Variants in HDAC4 observed in about 807,000 individuals in gnomAD.
The protein encoded by HDAC4 is histone deacetylase A.
HDAC4 carries 16 observed loss-of-function variants against 135.1 expected under a neutral mutation model. The observed-to-expected ratio is 0.12, with a 90% CI of 0.08 to 0.18. The LOEUF is 0.18. HDAC4 is among the 10% of genes least tolerant of loss of function. The pLI, the probability that HDAC4 is intolerant of heterozygous loss-of-function variation, is 1.00. For synonymous variants in HDAC4, 685 were observed against 653.4 expected, an observed-to-expected ratio of 1.05 and a Z score of -0.74; for missense variants, 1,143 against 1,511.8, an observed-to-expected ratio of 0.76 and a Z score of 4.05.
chr2:239,361,270 A>C (rs1392560065), intron 1 of HDAC4, among the ~76,000 whole-genome samples: 1 of 152,220 alleles, frequency 6.6e-6, no homozygotes, highest in East Asian at 1.9e-4. Flanking sequence ...TTCCCCTCAG[A>C]AACTACCTCA....
intron 2 of HDAC4, among the ~76,000 whole-genome samples, chr2:239,332,541 A>T (rs1691655896): frequency 6.6e-6 from 1 of 152,078 alleles, no homozygotes; most frequent in Non-Finnish European, 1.5e-5. Flanking sequence ...AATTATAATT[A>T]AAATGACATT....
chr2:239,221,609 GACACACACACACACACACACACAC>G (rs3838519), intron 3 of HDAC4, among the ~76,000 whole-genome samples: 6 of 148,990 alleles, frequency 4.0e-5, no homozygotes, highest in Non-Finnish European at 7.4e-5. Flanking sequence ...CTGAGAGTGG[GACACACACACACACACACACACAC>G]ACACACACAC....
intron 22 of HDAC4, among the ~76,000 whole-genome samples, chr2:239,074,689 A>G (rs1205948204): frequency 2.0e-5 from 3 of 152,210 alleles, no homozygotes; most frequent in East Asian, 3.9e-4. Flanking sequence ...GAGGTGCATG[A>G]GTGCACCTTC....
chr2:239,116,651 A>C (rs1377174705), intron 12 of HDAC4, among the ~76,000 whole-genome samples: 2 of 151,802 alleles, frequency 1.3e-5, no homozygotes, highest in Non-Finnish European at 2.9e-5. Flanking sequence ...GGACCTGGTC[A>C]CTCCCCTGCT....
At chr2:239,250,865 C>G (rs1003983307) in intron 2 of HDAC4, among the ~76,000 whole-genome samples, 1 of 152,214 alleles carries the variant, frequency 6.6e-6, no homozygotes, top group Non-Finnish European at 1.5e-5. Context: ...AGAGATGGGA[C>G]TCGGGGGCGG....
chr2:239,387,527 C>T (rs1467617025), intron 1 of HDAC4, among the ~76,000 whole-genome samples: 11 of 152,186 alleles, frequency 7.2e-5, no homozygotes, highest in Admixed American at 2.0e-4. Context: ...AGAGACAGGA[C>T]GAGGCACAGC....
intron 2 of HDAC4, among the ~76,000 whole-genome samples, chr2:239,319,071 G>T (rs1294193285): frequency 6.6e-6 from 1 of 152,188 alleles, no homozygotes; most frequent in Non-Finnish European, 1.5e-5. Context: ...GAAGGAAAAG[G>T]AGGCAACTCT....
chr2:239,266,364 C>G (rs1461106232), intron 2 of HDAC4, among the ~76,000 whole-genome samples: 1 of 152,204 alleles, frequency 6.6e-6, no homozygotes, highest in Non-Finnish European at 1.5e-5. Flanking sequence ...ACTGGCTTGG[C>G]CTGCCCAGCC....
At chr2:239,087,383 C>G (rs1036813176) in intron 19 of HDAC4, among the ~76,000 whole-genome samples, 176 bp downstream of exon 19, 1 of 152,252 alleles carries the variant, frequency 6.6e-6, no homozygotes, top group African/African-American at 2.4e-5. Context: ...TGCTCGCAGA[C>G]TTTGGCATCT....
chr2:239,194,425 G>A (rs929670252), intron 3 of HDAC4, among the ~76,000 whole-genome samples: 7 of 152,180 alleles, frequency 4.6e-5, no homozygotes, highest in Non-Finnish European at 1.0e-4. Context: ...TGAGCGCCAC[G>A]CTGCTGCCGG....
At chr2:239,113,590 T>C (rs548767993) in intron 13 of HDAC4, among the ~76,000 whole-genome samples, 1 of 152,256 alleles carries the variant, frequency 6.6e-6, no homozygotes, top group Non-Finnish European at 1.5e-5. Context: ...GCTTGGAATA[T>C]AACAAGCCTC....
At chr2:239,316,609 C>T (rs748794319) in intron 2 of HDAC4, among the ~76,000 whole-genome samples, 1 of 152,074 alleles carries the variant, frequency 6.6e-6, no homozygotes, top group Non-Finnish European at 1.5e-5. Context: ...GGTAAGAGAG[C>T]GGCTGGATGA....
rs1692265971 is a variant in HDAC4, at chr2:239,341,048, A to G, written c.22+11630T>C. 2.0e-5 allele frequency among the ~76,000 whole-genome samples: 3 copies of G among 152,362 alleles called. No individual in the cohort carries two copies. In the South Asian group the frequency reaches 6.2e-4, roughly 32 times the overall value. The stretch of plus-strand genomic sequence containing the variant: ...ACACGTACAATGCATCGGGCACTAC[A>G]AAAACTAAAACTCCTCATCTCTCTG... On this transcript the variant is annotated intron_variant, in intron 2 of 26. Coordinates refer to ENST00000543185, the MANE Select transcript of HDAC4 (RefSeq NM_001378414.1).
intron 2 of HDAC4, among the ~76,000 whole-genome samples, chr2:239,324,864 G>A (rs1559364695): frequency 6.6e-6 from 1 of 152,212 alleles, no homozygotes; most frequent in Non-Finnish European, 1.5e-5. Context: ...CCTGGCTTAG[G>A]AAGAGCAGAG....
intron 3 of HDAC4, among the ~76,000 whole-genome samples, chr2:239,227,418 G>A (rs946559243): frequency 1.3e-5 from 2 of 152,150 alleles, no homozygotes; most frequent in African/African-American, 4.8e-5. Flanking sequence ...GCAGCCTGCT[G>A]GACACCATGC....
chr2:239,098,334 C>T (rs3828199), intron 16 of HDAC4, among the ~76,000 whole-genome samples: 44,456 of 152,024 alleles, frequency 0.29, 6,681 homozygotes, highest in Non-Finnish European at 0.33. Context: ...CTGTTTGCCG[C>T]GGGCTGGCAG....
rs1692986751 is a variant in HDAC4, at chr2:239,349,762, G to A, written c.22+2916C>T. On this transcript the variant is annotated intron_variant, in intron 2 of 26. Coordinates refer to ENST00000543185, the MANE Select transcript of HDAC4 (RefSeq NM_001378414.1). The surrounding 1 kb of genome is among the most constrained non-coding windows in gnomAD (Gnocchi z 5.7). ...AGACACGGCAGGGAAAGATGACAGC[G>A]GACAGGGCAGAGGAGGCAGCCAGCA... Among the ~76,000 whole-genome samples, 2 of 152,222 alleles carry A rather than the reference G, an allele frequency of 1.3e-5. No individual in the cohort carries two copies. Among genetic ancestry groups the A allele is most frequent in the South Asian group, 2.1e-4 (1 of 4,832 alleles).
intron 2 of HDAC4, among the ~76,000 whole-genome samples, chr2:239,283,325 G>T (rs888407572): frequency 2.0e-5 from 3 of 152,248 alleles, no homozygotes; most frequent in Admixed American, 6.5e-5. Flanking sequence ...GGAGGAAGGG[G>T]CTCCCGGCAG....
intron 2 of HDAC4, among the ~76,000 whole-genome samples, chr2:239,311,351 T>C (rs1481329816): frequency 6.6e-6 from 1 of 152,162 alleles, no homozygotes; most frequent in Non-Finnish European, 1.5e-5. Context: ...CACCCGACGC[T>C]CACCGTTAGA....
Sources: allele counts gnomAD v4.1 joint callset (sites outside exome capture counted in the v4.1 genomes callset), GRCh38; gene constraint gnomAD v4.1.1; non-coding constraint Gnocchi (gnomAD v3.1); transcripts MANE v1.5; gene names NCBI Gene and HGNC (gene_info 2026-07-23, HGNC 2026-07-21).